The following IFT25 variants were observed in gnomAD, a reference collection of about 807,000 sequenced individuals.
IFT25 encodes the protein intraflagellar transport 25.
At chr1:53,933,605 T>C in the IFT25 span, among the ~76,000 whole-genome samples, 4 of 152,240 alleles carry the variant, frequency 2.6e-5, no homozygotes, top group Non-Finnish European at 5.9e-5. Flanking sequence ...CAACTATTCA[T>C]ATCTTTATAT....
the IFT25 span, among the ~76,000 whole-genome samples, chr1:53,938,127 G>A: frequency 2.8e-4 from 42 of 152,198 alleles, no homozygotes; most frequent in African/African-American, 8.7e-4. Flanking sequence ...TTTACAACGG[G>A]GTTGAAAATA....
chr1:53,918,722 T>C, the IFT25 span, among the ~76,000 whole-genome samples: 1 of 152,192 alleles, frequency 6.6e-6, no homozygotes, highest in East Asian at 1.9e-4. Flanking sequence ...GGTTCAGTAA[T>C]TTTGGCAAGA....
the IFT25 span, among the ~76,000 whole-genome samples, chr1:53,933,623 G>T: frequency 6.6e-6 from 1 of 152,166 alleles, no homozygotes; most frequent in Non-Finnish European, 1.5e-5. Flanking sequence ...TATTTAAAGT[G>T]CATATCTTTT....
chr1:53,943,210 A>G, the IFT25 span, among the ~76,000 whole-genome samples: 1 of 152,260 alleles, frequency 6.6e-6, no homozygotes, highest in Non-Finnish European at 1.5e-5. Context: ...AACGTCCAAG[A>G]AAAGTCGGTA....
At chr1:53,935,912 G>A in the IFT25 span, among the ~76,000 whole-genome samples, 1 of 151,978 alleles carries the variant, frequency 6.6e-6, no homozygotes, top group Non-Finnish European at 1.5e-5. Flanking sequence ...TTCTTTGGAT[G>A]CTTTCAATGA....
the IFT25 span, among the ~76,000 whole-genome samples, chr1:53,921,177 AT>A: frequency 6.6e-6 from 1 of 152,164 alleles, no homozygotes; most frequent in Non-Finnish European, 1.5e-5. Flanking sequence ...CTGCAAAAAA[AT>A]ATTTTTTTTA....
the IFT25 span, among the ~76,000 whole-genome samples, chr1:53,931,376 G>A: frequency 6.6e-6 from 1 of 152,184 alleles, no homozygotes; most frequent in South Asian, 2.1e-4. Context: ...CAAAGTGGTT[G>A]TACTATTTTG....
At chr1:53,944,107 C>T in the IFT25 span, among the ~76,000 whole-genome samples, 1 of 152,312 alleles carries the variant, frequency 6.6e-6, no homozygotes, top group Admixed American at 6.5e-5. Context: ...ATTACCCTTC[C>T]TATTTCCTGT....
chr1:53,924,624 C>T, the IFT25 span, among the ~76,000 whole-genome samples: 124 of 152,254 alleles, frequency 8.1e-4, 1 homozygote, highest in African/African-American at 2.9e-3. Flanking sequence ...ATCACGAGTT[C>T]AGGAGATCAA....
the IFT25 span, among the ~76,000 whole-genome samples, chr1:53,921,146 C>T: frequency 2.6e-5 from 4 of 152,144 alleles, no homozygotes; most frequent in Non-Finnish European, 5.9e-5. Context: ...GCACTATAGC[C>T]TGGGTGACAG....
the IFT25 span, chr1:53,923,911 T>C: frequency 6.3e-7 from 1 of 1,584,528 alleles, no homozygotes; most frequent in Non-Finnish European, 8.7e-7. Flanking sequence ...TACCACAATT[T>C]CTTCATTTTG....
At chr1:53,923,566 A>C in the IFT25 span, 1 of 226,192 alleles carries the variant, frequency 4.4e-6, no homozygotes, top group Non-Finnish European at 8.6e-6. Flanking sequence ...CAATTTTGGC[A>C]TCGCGACCCT....
the IFT25 span, chr1:53,921,898 A>G: frequency 8.0e-6 from 5 of 623,008 alleles, 1 homozygote; most frequent in Non-Finnish European, 1.4e-5. Context: ...GGCCAGCTAC[A>G]TATAATAGTT....
chr1:53,928,752 A>G, the IFT25 span: 1 of 271,260 alleles, frequency 3.7e-6, no homozygotes, highest in Non-Finnish European at 7.0e-6. Context: ...GGTCATAAAC[A>G]TTTATGGAGA....
the IFT25 span, among the ~76,000 whole-genome samples, chr1:53,941,044 G>C: frequency 6.6e-6 from 1 of 152,044 alleles, no homozygotes; most frequent in Non-Finnish European, 1.5e-5. Flanking sequence ...GCCCAGGCTG[G>C]AGTGCAATGG....
chr1:53,919,528 T>TA, the IFT25 span, among the ~76,000 whole-genome samples: 1 of 152,132 alleles, frequency 6.6e-6, no homozygotes, highest in East Asian at 1.9e-4. Flanking sequence ...TGACCACAGA[T>TA]ACAGCAAAGC....
the IFT25 span, chr1:53,923,849 A>G: frequency 9.6e-7 from 1 of 1,046,824 alleles, no homozygotes; most frequent in African/African-American, 1.6e-5. Context: ...GATAGGTTAA[A>G]GTCTAAATAC....
chr1:53,931,225 T>C, the IFT25 span, among the ~76,000 whole-genome samples: 1 of 152,228 alleles, frequency 6.6e-6, no homozygotes, highest in Non-Finnish European at 1.5e-5. Context: ...AGCTTTTTAC[T>C]ATTAGGAACA....
the IFT25 span, among the ~76,000 whole-genome samples, chr1:53,919,450 TA>T: frequency 6.6e-6 from 1 of 152,176 alleles, no homozygotes; most frequent in Non-Finnish European, 1.5e-5. Context: ...CCTAGATCCC[TA>T]ACCTGCAAAC....
Sources: gnomAD v4.1 joint callset for allele counts (sites outside exome capture counted in the v4.1 genomes callset) on GRCh38, gnomAD v4.1.1 for gene constraint, MANE v1.5 for transcripts, NCBI Gene and HGNC (gene_info 2026-07-23, HGNC 2026-07-21) for gene names.